The following FMNL2 variants were observed in gnomAD, a reference collection of about 807,000 sequenced individuals.
FMNL2 encodes the protein formin-like protein 2.
A neutral mutation model predicts 130.2 loss-of-function variants in FMNL2; 51 were observed. That is an observed-to-expected ratio of 0.39 (90% CI 0.31 to 0.49). FMNL2 has a LOEUF of 0.49. FMNL2 is among the 20% of genes least tolerant of loss of function. The pLI is 0.85. For synonymous variants in FMNL2, 465 were observed against 467.1 expected (o/e 1.00, Z 0.06); for missense variants, 977 against 1,316.2 (o/e 0.74, Z 3.99).
intron 1 of FMNL2, among the ~76,000 whole-genome samples, chr2:152,509,104 C>T (rs1692342385): frequency 6.6e-6 from 1 of 152,162 alleles, no homozygotes; most frequent in Admixed American, 6.5e-5. Flanking sequence ...GCACTTTACA[C>T]CTAGAATGTA....
intron 6 of FMNL2, among the ~76,000 whole-genome samples, chr2:152,573,205 G>A (rs2105678574): frequency 6.6e-6 from 1 of 152,348 alleles, no homozygotes; most frequent in East Asian, 1.9e-4. Context: ...TGTAAGAGAT[G>A]CCTATATGCT....
rs529868551 is a variant in FMNL2 at position 152,561,873 on chromosome 2, C to T, written c.596+838C>T. On this transcript the variant is annotated intron_variant, in intron 6 of 25. Coordinates refer to ENST00000288670, the MANE Select transcript of FMNL2 (RefSeq NM_052905.4). ...GATTACAGGCATCAGCCACCACACC[C>T]GGCCAGTTGTCAACCTTATATTTTC... Among the ~76,000 whole-genome samples the T allele has an allele frequency of 3.3e-5, 5 of 152,284 alleles. No homozygotes were observed. In the South Asian group the frequency reaches 8.3e-4, roughly 25 times the overall value.
chr2:152,365,103 C>G (rs1683434947), intron 1 of FMNL2, among the ~76,000 whole-genome samples: 1 of 152,130 alleles, frequency 6.6e-6, no homozygotes, highest in Non-Finnish European at 1.5e-5. Context: ...AAGACAATGT[C>G]TTTATGTAGT....
At chr2:152,345,174 G>C (rs1419054850) in intron 1 of FMNL2, among the ~76,000 whole-genome samples, 1 of 152,244 alleles carries the variant, frequency 6.6e-6, no homozygotes, top group East Asian at 1.9e-4. Flanking sequence ...TTTATGACTA[G>C]ATAAAACTTT....
intron 1 of FMNL2, among the ~76,000 whole-genome samples, chr2:152,375,285 C>G (rs1228750559): frequency 6.6e-6 from 1 of 152,210 alleles, no homozygotes; most frequent in Admixed American, 6.5e-5. Flanking sequence ...GTCCACCATT[C>G]CCTGCTGAGC....
chr2:152,590,752 G>A (rs1468023822), intron 9 of FMNL2, among the ~76,000 whole-genome samples: 6 of 151,916 alleles, frequency 3.9e-5, no homozygotes, highest in African/African-American at 1.2e-4. Context: ...ATGTTTGTCT[G>A]TATATTTGTA....
At chr2:152,532,764 T>G (rs1693778489) in intron 2 of FMNL2, among the ~76,000 whole-genome samples, 1 of 151,818 alleles carries the variant, frequency 6.6e-6, no homozygotes, top group Admixed American at 6.6e-5. Flanking sequence ...TGCACCACCA[T>G]GCCCAGCTAA....
At chr2:152,568,224 T>TTTTGTTTTGTTTTGTTTTTG (rs1695969235) in intron 6 of FMNL2, among the ~76,000 whole-genome samples, 1 of 28,634 alleles carries the variant, frequency 3.5e-5, no homozygotes, top group South Asian at 1.0e-3. Context: ...GTGGGTTTTT[T>TTTTGTTTTGTTTTGTTTTTG]TTTTTTTTTG....
chr2:152,420,765 A>G (rs1462766049), intron 1 of FMNL2, among the ~76,000 whole-genome samples: 5 of 152,202 alleles, frequency 3.3e-5, no homozygotes, highest in South Asian at 2.1e-4. Context: ...ATCCTCCACT[A>G]TGAGGTTGCA....
intron 25 of FMNL2, 125 bp from the exon 26 acceptor site, chr2:152,647,671 T>A: frequency 1.2e-6 from 1 of 805,800 alleles, no homozygotes. Flanking sequence ...TCAGTGAGTT[T>A]GAAGGGCCCA....
At position 152,546,818 on chromosome 2, in the gene FMNL2, A is replaced by G. The variant is rs2105516089; in HGVS notation, c.283-2203A>G. Among the ~76,000 whole-genome samples the G allele has an allele frequency of 2.0e-5, 3 of 152,166 alleles. No individual in the cohort carries two copies. The South Asian group carries it at 6.2e-4, about 32-fold the overall frequency. On this transcript the variant is annotated intron_variant, in intron 3 of 25. Coordinates refer to ENST00000288670, the MANE Select transcript of FMNL2 (RefSeq NM_052905.4). The stretch of plus-strand genomic sequence containing the variant: ...GTCTCCTTTCTCTTCCCTTCTCTAT[A>G]TACACAGCAGACTGCCTGCTCCATT...
chr2:152,581,346 G>T (rs140672294), intron 9 of FMNL2, among the ~76,000 whole-genome samples: 1 of 152,212 alleles, frequency 6.6e-6, no homozygotes, highest in Non-Finnish European at 1.5e-5. Flanking sequence ...ACATGTATGT[G>T]GTTTTCATTG....
chr2:152,362,904 A>G (rs1388439612), intron 1 of FMNL2, among the ~76,000 whole-genome samples: 1 of 152,186 alleles, frequency 6.6e-6, no homozygotes, highest in Non-Finnish European at 1.5e-5. Context: ...GAATCTAGCA[A>G]ACTACGCTAT....
At chr2:152,423,369 G>C (rs539320035) in intron 1 of FMNL2, among the ~76,000 whole-genome samples, 2 of 152,276 alleles carry the variant, frequency 1.3e-5, no homozygotes, top group Admixed American at 1.3e-4. Context: ...AAGGTAAATA[G>C]ATTGGCCAGT....
At chr2:152,446,685 T>A (rs982528733) in intron 1 of FMNL2, among the ~76,000 whole-genome samples, 1 of 152,214 alleles carries the variant, frequency 6.6e-6, no homozygotes, top group African/African-American at 2.4e-5. Context: ...TGGAAGAGAA[T>A]AGCAATTGTG....
intron 1 of FMNL2, among the ~76,000 whole-genome samples, chr2:152,473,697 A>G (rs542910874): frequency 3.1e-4 from 47 of 152,202 alleles, no homozygotes; most frequent in Non-Finnish European, 5.3e-4. Flanking sequence ...TCTTTATTTC[A>G]TATTGCATAT....
chr2:152,376,245 T>C (rs1257159694), intron 1 of FMNL2, among the ~76,000 whole-genome samples: 2 of 152,230 alleles, frequency 1.3e-5, no homozygotes, highest in African/African-American at 2.4e-5. Flanking sequence ...ATTTTATTTT[T>C]CGATTCATCA....
rs1367244473 is a variant in FMNL2, at chr2:152,595,092, C to A, written c.877-12247C>A. On this transcript the variant is annotated intron_variant, in intron 9 of 25. Transcript: ENST00000288670. ...GGCAGTGGAAAATAAGGGCTCCTTC[C>A]CTGCCAATAACTGTACTAGCAACAC... Among the ~76,000 whole-genome samples, 9 of 151,950 alleles carry A rather than the reference C, an allele frequency of 5.9e-5. 1 individual carries two copies. The South Asian group carries it at 1.5e-3, about 25-fold the overall frequency.
At chr2:152,450,123 T>C (rs968053797) in intron 1 of FMNL2, among the ~76,000 whole-genome samples, 2 of 152,210 alleles carry the variant, frequency 1.3e-5, no homozygotes, top group Non-Finnish European at 2.9e-5. Flanking sequence ...TAAAAACTAA[T>C]TTTAATATTT....
Sources: allele counts gnomAD v4.1 joint callset (sites outside exome capture counted in the v4.1 genomes callset), GRCh38; gene constraint gnomAD v4.1.1; transcripts MANE v1.5; gene names NCBI Gene and HGNC (gene_info 2026-07-23, HGNC 2026-07-21).